NSF: variants seen among roughly 807,000 people sequenced by gnomAD.
NSF encodes the protein N-ethylmaleimide sensitive factor, vesicle fusing ATPase.
A neutral mutation model predicts 50.3 loss-of-function variants in NSF; 14 were observed. The ratio of observed to expected loss-of-function variants is 0.28; its 90% CI spans 0.18 to 0.44. NSF has a LOEUF of 0.44. NSF is among the 20% of genes least tolerant of loss of function. NSF has a pLI of 1.00. For synonymous variants in NSF, 109 were observed against 175.7 expected (o/e 0.62, Z 3.00); for missense variants, 218 against 504.3 (o/e 0.43, Z 5.44).
intron 17 of NSF, among the ~76,000 whole-genome samples, chr17:46,745,205 GAATCCCATGC>G (rs1373741577): frequency 6.6e-6 from 1 of 152,176 alleles, no homozygotes; most frequent in Non-Finnish European, 1.5e-5. Context: ...CCCTTCAGAC[GAATCCCATGC>G]AATGTATCAC....
chr17:46,681,436 G>A (rs2058456629), intron 9 of NSF, among the ~76,000 whole-genome samples: 1 of 133,914 alleles, frequency 7.5e-6, no homozygotes, highest in African/African-American at 2.8e-5. Context: ...GCTGCAGTGA[G>A]CTGTGATAGT....
chr17:46,614,189 TGTA>T (rs1420237820), intron 1 of NSF, among the ~76,000 whole-genome samples: 1 of 127,426 alleles, frequency 7.8e-6, no homozygotes, highest in Non-Finnish European at 1.5e-5. Flanking sequence ...TTATTACCAT[TGTA>T]GTTTTTTAGG....
At chr17:46,741,414 C>G (rs1279107650) in intron 17 of NSF, among the ~76,000 whole-genome samples, 3 of 152,146 alleles carry the variant, frequency 2.0e-5, no homozygotes, top group African/African-American at 7.2e-5. Context: ...GAATTCCCCC[C>G]CTTATTGTCT....
intron 1 of NSF, among the ~76,000 whole-genome samples, chr17:46,622,245 C>G (rs1159256810): frequency 6.9e-6 from 1 of 143,958 alleles, no homozygotes; most frequent in Non-Finnish European, 1.5e-5. Flanking sequence ...ATCACAAGGT[C>G]AGGAGATCGA....
intron 8 of NSF, among the ~76,000 whole-genome samples, chr17:46,649,493 A>C (rs1298209127): frequency 6.6e-6 from 1 of 151,970 alleles, no homozygotes; most frequent in Non-Finnish European, 1.5e-5. Flanking sequence ...TTCAAAAACC[A>C]TTCTCTTGAG....
intron 1 of NSF, among the ~76,000 whole-genome samples, chr17:46,609,829 T>TTC (rs1295320610): frequency 1.5e-5 from 2 of 136,284 alleles, no homozygotes; most frequent in East Asian, 3.9e-4. Context: ...CACTGTTTCT[T>TTC]TTTTTTTTTT....
intron 13 of NSF, 69 bp from the exon 14 acceptor site, chr17:46,710,894 A>G: frequency 1.4e-6 from 2 of 1,392,154 alleles, no homozygotes; most frequent in Non-Finnish European, 1.9e-6. Flanking sequence ...ACGGATTATA[A>G]CTCGTCTTTT....
chr17:46,752,781 T>C (rs2059194173), intron 19 of NSF, among the ~76,000 whole-genome samples: 1 of 152,114 alleles, frequency 6.6e-6, no homozygotes, highest in Non-Finnish European at 1.5e-5. Context: ...TCTTTTTTTT[T>C]CTTTTGAGAC....
chr17:46,720,065 C>A (rs1351194953), intron 15 of NSF, among the ~76,000 whole-genome samples: 1 of 152,174 alleles, frequency 6.6e-6, no homozygotes, highest in African/African-American at 2.4e-5. Flanking sequence ...GATGCCTAAT[C>A]CTCCTCTTTT....
intron 1 of NSF, among the ~76,000 whole-genome samples, chr17:46,605,351 G>A (rs1321416191): frequency 8.9e-6 from 1 of 112,864 alleles, no homozygotes; most frequent in African/African-American, 3.4e-5. Context: ...AGGAGGCTGA[G>A]GCAGGAGAAT....
chr17:46,713,846 T>C lies in NSF; in HGVS notation c.1628-7T>C. On this transcript the variant is annotated splice_polypyrimidine_tract_variant and splice_region_variant and intron_variant, in intron 14 of 20. Coordinates refer to ENST00000398238, the MANE Select transcript of NSF (RefSeq NM_006178.4). ...TTTTCCCCTGACTTGCTCATATCTT[T>C]ATGCAGGCCCTCCTCACAGTGGGAA... 2 of 1,608,516 alleles carry C rather than the reference T, an allele frequency of 1.2e-6. No homozygotes were observed. The highest frequency in any genetic ancestry group is 1.7e-6 in the Non-Finnish European group (2 of 1,178,744).
chr17:46,728,123 C>T (rs963296547), intron 16 of NSF, among the ~76,000 whole-genome samples: 2 of 152,074 alleles, frequency 1.3e-5, no homozygotes, highest in Non-Finnish European at 2.9e-5. Context: ...GGTGCATATG[C>T]AGTATGCAGA....
chr17:46,746,265 A>T (rs561401795), intron 17 of NSF, among the ~76,000 whole-genome samples: 25 of 152,270 alleles, frequency 1.6e-4, no homozygotes, highest in Admixed American at 4.6e-4. Flanking sequence ...CTTCTATCTC[A>T]TATTCTATGC....
At chr17:46,738,248 T>A (rs1182259706) in intron 17 of NSF, among the ~76,000 whole-genome samples, 1 of 152,080 alleles carries the variant, frequency 6.6e-6, no homozygotes, top group Admixed American at 6.6e-5. Flanking sequence ...TTTTTTTAAT[T>A]AACGTACAAT....
At chr17:46,718,872 T>G (rs571764152) in intron 15 of NSF, among the ~76,000 whole-genome samples, 1 of 152,370 alleles carries the variant, frequency 6.6e-6, no homozygotes, top group Non-Finnish European at 1.5e-5. Flanking sequence ...ATACATTTTT[T>G]ATTATTTCCT....
chr17:46,728,854 G>C lies in NSF; in HGVS notation c.1829-1G>C. The C allele has an allele frequency of 6.3e-7, 1 of 1,597,278 alleles. No individual in the cohort carries two copies. On this transcript the variant is annotated splice_acceptor_variant, in intron 16 of 20. Coordinates refer to ENST00000398238, the MANE Select transcript of NSF (RefSeq NM_006178.4). LOFTEE classifies it high-confidence loss of function. ...TAAACATAATAATGTTTCTTTTCCA[G>C]ATTACGTCCCTATTGGCCCTCGATT...
At chr17:46,621,201 G>C (rs2058062787) in intron 1 of NSF, among the ~76,000 whole-genome samples, 1 of 149,030 alleles carries the variant, frequency 6.7e-6, no homozygotes, top group Admixed American at 6.7e-5. Flanking sequence ...GAGGTACCTT[G>C]TTCTGACTTA....
At chr17:46,690,565 T>C (rs1162201166) in intron 9 of NSF, among the ~76,000 whole-genome samples, 1 of 86,940 alleles carries the variant, frequency 1.2e-5, no homozygotes, top group Non-Finnish European at 2.2e-5. Context: ...TGAGCCAAGA[T>C]CACGCCACTG....
At chr17:46,737,952 A>ATTATTATTATTATTG (rs530345654) in intron 17 of NSF, among the ~76,000 whole-genome samples, 1 of 139,908 alleles carries the variant, frequency 7.1e-6, no homozygotes, top group Admixed American at 7.2e-5. Context: ...TATTATTATT[A>ATTATTATTATTATTG]GAGATAGGAT....
Sources: gnomAD v4.1 joint callset for allele counts (sites outside exome capture counted in the v4.1 genomes callset) on GRCh38, gnomAD v4.1.1 for gene constraint, MANE v1.5 for transcripts, NCBI Gene and HGNC (gene_info 2026-07-23, HGNC 2026-07-21) for gene names.